Variants in TMEM117 observed in about 807,000 individuals in gnomAD.
TMEM117 encodes the protein transmembrane protein 117.
A neutral mutation model predicts 52.4 loss-of-function variants in TMEM117; 27 were observed. The ratio of observed to expected loss-of-function variants is 0.51; its 90% confidence interval spans 0.38 to 0.71. TMEM117 has a LOEUF of 0.71. Ranked by LOEUF, TMEM117 falls within the 30% of genes least tolerant of loss-of-function variation. The pLI, the probability that TMEM117 is intolerant of heterozygous loss-of-function variation, is 0.00. For synonymous variants in TMEM117, 215 were observed against 206.3 expected (o/e 1.04, Z -0.36); for missense variants, 556 against 630.5 (o/e 0.88, Z 1.26).
chr12:44,085,797 A>G (rs1045731709), intron 3 of TMEM117, among the ~76,000 whole-genome samples: 2 of 152,218 alleles, frequency 1.3e-5, no homozygotes, highest in Non-Finnish European at 2.9e-5. Context: ...GAACATAACA[A>G]TTACAAAATG....
intron 4 of TMEM117, among the ~76,000 whole-genome samples, chr12:44,164,023 G>C (rs554296499): frequency 6.6e-6 from 1 of 152,152 alleles, no homozygotes; most frequent in Non-Finnish European, 1.5e-5. Flanking sequence ...TGGATCCTGG[G>C]GGCCTGGTGC....
At chr12:44,236,187 TAGAG>T (rs200861994) in intron 5 of TMEM117, among the ~76,000 whole-genome samples, 5 of 141,588 alleles carry the variant, frequency 3.5e-5, no homozygotes, top group East Asian at 2.1e-4. Context: ...TATATATATA[TAGAG>T]AGAGAGAGAG....
intron 2 of TMEM117, among the ~76,000 whole-genome samples, chr12:43,845,814 T>C (rs1338998953): frequency 6.6e-6 from 1 of 152,170 alleles, no homozygotes; most frequent in East Asian, 1.9e-4. Flanking sequence ...TTCCTTGTGA[T>C]AGTTTGCTCA....
chr12:43,797,493 T>C, the TMEM117 span: 1 of 1,468,800 alleles, frequency 6.8e-7, no homozygotes, highest in Non-Finnish European at 9.2e-7. Context: ...AAACCAGATA[T>C]AAGGAAATTA....
intron 3 of TMEM117, among the ~76,000 whole-genome samples, chr12:43,995,271 A>AG (rs1166670335): frequency 6.6e-6 from 1 of 151,488 alleles, no homozygotes; most frequent in Non-Finnish European, 1.5e-5. Flanking sequence ...AAAAAAAAAA[A>AG]GGAAATTAAG....
rs982480543 is a variant in TMEM117, at chr12:44,034,686, T to C, written c.410+90344T>C. On this transcript the variant is annotated intron_variant, in intron 3 of 7. Coordinates refer to ENST00000266534, the MANE Select transcript of TMEM117 (RefSeq NM_032256.3). Reference sequence around the variant, plus strand: ...GAAAATTCAAAATGAATGATTCTTTTACATTTTGAAAACCCTGTATTCTGT... The same window carrying C: ...GAAAATTCAAAATGAATGATTCTTTCACATTTTGAAAACCCTGTATTCTGT... Among the ~76,000 whole-genome samples the C allele has an allele frequency of 7.2e-5, 11 of 152,370 alleles. No homozygotes were observed. In the South Asian group the frequency reaches 1.7e-3, roughly 23 times the overall value.
chr12:44,042,827 C>G (rs952714463), intron 3 of TMEM117, among the ~76,000 whole-genome samples: 1 of 151,024 alleles, frequency 6.6e-6, no homozygotes, highest in Non-Finnish European at 1.5e-5. Context: ...TTCTGCCCCT[C>G]TAGGGAATCC....
At chr12:43,853,094 A>T (rs2137378069) in intron 2 of TMEM117, among the ~76,000 whole-genome samples, 1 of 152,278 alleles carries the variant, frequency 6.6e-6, no homozygotes, top group East Asian at 1.9e-4. Context: ...TTATTTGTAT[A>T]ATGTTTCATT....
chr12:43,932,174 G>T (rs969123361), intron 2 of TMEM117, among the ~76,000 whole-genome samples: 3 of 151,952 alleles, frequency 2.0e-5, no homozygotes, highest in African/African-American at 7.2e-5. Flanking sequence ...AGCCTATGGT[G>T]TTTAAAATTA....
intron 3 of TMEM117, among the ~76,000 whole-genome samples, chr12:44,011,809 G>A (rs1946295256): frequency 6.6e-6 from 1 of 152,074 alleles, no homozygotes; most frequent in African/African-American, 2.4e-5. Context: ...ATATCTTATG[G>A]TGTTATACCA....
intron 3 of TMEM117, among the ~76,000 whole-genome samples, chr12:44,104,327 AT>A (rs901790480): frequency 1.3e-5 from 2 of 150,980 alleles, no homozygotes; most frequent in Non-Finnish European, 3.0e-5. Context: ...CCTTCCCTTT[AT>A]TTTTTTAACA....
chr12:43,819,756 T>C, the TMEM117 span, among the ~76,000 whole-genome samples: 1 of 148,874 alleles, frequency 6.7e-6, no homozygotes, highest in South Asian at 2.1e-4. Context: ...AGCCTGGCGA[T>C]AGAGCGAGAC....
chr12:43,961,343 A>G (rs990671532), intron 3 of TMEM117, among the ~76,000 whole-genome samples: 1 of 152,226 alleles, frequency 6.6e-6, no homozygotes, highest in Non-Finnish European at 1.5e-5. Flanking sequence ...TTATTACGTT[A>G]TCATGCAATT....
chr12:43,846,063 A>T lies in TMEM117; in HGVS notation c.277+1135A>T, dbSNP rs189530486. ...TAAATATATTTTACACATATTGTTC[A>T]TTCAGGGAGTTGGAACTATAAACTT... On this transcript the variant is annotated intron_variant, in intron 2 of 7. Transcript: ENST00000266534. Among the ~76,000 whole-genome samples, 319 of 152,176 alleles carry T rather than the reference A, an allele frequency of 2.1e-3. 1 individual carries two copies. Among genetic ancestry groups the T allele is most frequent in the Middle Eastern group, 0.014 (4 of 292 alleles).
At chr12:43,989,459 C>CAAT (rs1388817456) in intron 3 of TMEM117, among the ~76,000 whole-genome samples, 1 of 151,826 alleles carries the variant, frequency 6.6e-6, no homozygotes, top group African/African-American at 2.4e-5. Context: ...TTTTAAACGG[C>CAAT]AATCTTATTC....
intron 2 of TMEM117, among the ~76,000 whole-genome samples, chr12:43,901,382 C>T (rs980729813): frequency 1.3e-5 from 2 of 152,144 alleles, no homozygotes; most frequent in Non-Finnish European, 2.9e-5. Flanking sequence ...GTAATCTCGG[C>T]TCACTGCAAC....
chr12:44,020,370 C>G (rs1946438130), intron 3 of TMEM117, among the ~76,000 whole-genome samples: 1 of 152,134 alleles, frequency 6.6e-6, no homozygotes, highest in Non-Finnish European at 1.5e-5. Context: ...GATGTATTCT[C>G]TTGGTCAAAG....
chr12:44,272,035 A>G (rs1013662451), intron 5 of TMEM117, among the ~76,000 whole-genome samples: 8 of 152,102 alleles, frequency 5.3e-5, no homozygotes, highest in African/African-American at 9.7e-5. Context: ...ACCTTGAGCT[A>G]TCACCTCATA....
intron 2 of TMEM117, among the ~76,000 whole-genome samples, chr12:43,868,491 G>T (rs1238550475): frequency 1.3e-5 from 2 of 151,824 alleles, no homozygotes; most frequent in African/African-American, 4.8e-5. Context: ...GGCGGAGGTT[G>T]CAGTGAGCTG....
Sources: allele counts gnomAD v4.1 joint callset (sites outside exome capture counted in the v4.1 genomes callset), GRCh38; gene constraint gnomAD v4.1.1; transcripts MANE v1.5; gene names NCBI Gene and HGNC (gene_info 2026-07-23, HGNC 2026-07-21).